PRRC2C: variants seen among roughly 807,000 people sequenced by gnomAD.
PRRC2C encodes proline rich coiled-coil 2C.
A neutral mutation model predicts 317.2 loss-of-function variants in PRRC2C; 72 were observed. The observed-to-expected ratio is 0.23, with a 90% CI of 0.19 to 0.28. The LOEUF is 0.28. Ranked by LOEUF, PRRC2C falls within the 10% of genes least tolerant of loss-of-function variation. PRRC2C has a pLI of 1.00. For missense variants in PRRC2C, 3,074 were observed against 3,459.7 expected (o/e 0.89, Z 2.80); for synonymous variants, 1,296 against 1,205.9 (o/e 1.07, Z -1.55).
intron 9 of PRRC2C, 93 bp from the exon 10 acceptor site, chr1:171,524,728 C>T (rs1674248672): frequency 7.8e-7 from 1 of 1,281,176 alleles, no homozygotes; most frequent in Non-Finnish European, 1.0e-6. Flanking sequence ...CCCCCAGAAA[C>T]CATACAGAAA....
At chr1:171,537,232 C>A in intron 14 of PRRC2C, 31 bp from the exon 15 acceptor site, 1 of 1,499,340 alleles carries the variant, frequency 6.7e-7, no homozygotes, top group East Asian at 2.4e-5. Flanking sequence ...TCAAAATCCT[C>A]ATTTCACCTT....
intron 18 of PRRC2C, among the ~76,000 whole-genome samples, chr1:171,555,975 A>G (rs1052975998): frequency 6.6e-6 from 1 of 152,166 alleles, no homozygotes; most frequent in African/African-American, 2.4e-5. Context: ...GGGACTTTTA[A>G]GTTTGCAGAA....
intron 23 of PRRC2C, among the ~76,000 whole-genome samples, chr1:171,569,669 T>C (rs1237249057): frequency 2.0e-5 from 3 of 146,918 alleles, no homozygotes; most frequent in African/African-American, 7.5e-5. Flanking sequence ...AGGAAAAGAC[T>C]TCCTTTCAGT....
intron 26 of PRRC2C, among the ~76,000 whole-genome samples, chr1:171,578,307 C>T (rs961319404): frequency 5.9e-5 from 9 of 151,948 alleles, no homozygotes; most frequent in Admixed American, 2.0e-4. Context: ...AATCCCAGCA[C>T]TTTGAGAGGC....
At chr1:171,561,291 T>C (rs1682657916) in intron 20 of PRRC2C, among the ~76,000 whole-genome samples, 188 bp downstream of exon 20, 1 of 152,078 alleles carries the variant, frequency 6.6e-6, no homozygotes. Flanking sequence ...TGTCTCTACA[T>C]ACAGAATAAA....
intron 12 of PRRC2C, among the ~76,000 whole-genome samples, chr1:171,533,813 G>A (rs538800487): frequency 1.4e-3 from 219 of 152,200 alleles, no homozygotes; most frequent in Non-Finnish European, 2.0e-3. Context: ...TAGTAGAGAC[G>A]GGGTTTCACT....
At chr1:171,504,976 A>G (rs1357780461) in intron 1 of PRRC2C, among the ~76,000 whole-genome samples, 2 of 151,826 alleles carry the variant, frequency 1.3e-5, no homozygotes, top group Admixed American at 6.6e-5. Context: ...TGTAGTGTTC[A>G]ATGTGTAGGT....
chr1:171,531,295 T>G (rs1475802297), intron 11 of PRRC2C, among the ~76,000 whole-genome samples: 1 of 152,232 alleles, frequency 6.6e-6, no homozygotes, highest in African/African-American at 2.4e-5. Flanking sequence ...ACTATACACT[T>G]AAAATATGTG....
At chr1:171,552,400 A>G (rs1680429858) in intron 18 of PRRC2C, among the ~76,000 whole-genome samples, 1 of 152,196 alleles carries the variant, frequency 6.6e-6, no homozygotes, top group South Asian at 2.1e-4. Flanking sequence ...CAGTCATGTC[A>G]TCTGCAAACA....
In PRRC2C at chr1:171,575,076, A is replaced by G. The variant is rs767363113; in HGVS notation, c.6903A>G (p.Ala2301=). 29 of 1,613,960 alleles carry G rather than the reference A, an allele frequency of 1.8e-5. No individual in the cohort carries two copies. The highest frequency in any genetic ancestry group is 2.5e-5 in the Non-Finnish European group (29 of 1,179,878). The change falls in exon 25 of 35, where the codon GCA becomes GCG. Residue 2301 remains alanine (A), a synonymous_variant. Transcript: ENST00000647382. Reference sequence around the variant, plus strand: ...CTAATTACAATTCGTTCTCAAGTGCATCCATGCCCCAGATTCCTGTTGCTT... The same window carrying G: ...CTAATTACAATTCGTTCTCAAGTGCGTCCATGCCCCAGATTCCTGTTGCTT... The part of the protein sequence containing the change: ...STANYNSFSS[A]SMPQIPVASV...
Position 171,591,795 on chromosome 1 carries a change from G to C in PRRC2C, c.8645G>C (p.Arg2882Thr). 1 of 1,580,900 alleles carries C rather than the reference G, an allele frequency of 6.3e-7. No homozygotes were observed. Among genetic ancestry groups the C allele is most frequent in the Non-Finnish European group, 8.6e-7 (1 of 1,160,126 alleles). ...PAPSIATKPV[R>T]TGPIKPQAIK... ...CCCTCCATAGCCACCAAACCTGTTA[G>C]AACTGGACCAATCAAACCTCAGGCG... is the stretch of plus-strand genomic sequence containing the variant. The change falls in exon 35 of 35, where the codon AGA (arginine) becomes ACA (threonine). Residue 2882 changes from arginine to threonine, a missense_variant. Arg to Thr is a moderately conservative substitution (Grantham distance 71). Transcript: ENST00000647382.
At chr1:171,564,548 G>C (rs1028264902) in intron 20 of PRRC2C, among the ~76,000 whole-genome samples, 4 of 152,166 alleles carry the variant, frequency 2.6e-5, no homozygotes, top group African/African-American at 9.7e-5. Flanking sequence ...ATGTGCATCA[G>C]TATTTTCCAA....
rs1651755405 is a variant in PRRC2C at position 171,593,238 on chromosome 1, A to AT, written c.*1393dup. ...TGCTATTGATGCATAACATACTGCT[A>AT]TTGGTCTTTTTATATAAATATATAT... On this transcript the variant is annotated 3_prime_UTR_variant, in exon 35 of 35. Transcript: ENST00000647382. The AT allele has an allele frequency of 1.3e-5, 2 of 148,236 alleles. No homozygotes were observed. The highest frequency in any genetic ancestry group is 6.7e-5 in the Admixed American group (1 of 14,858). The allele number at this position is 148,236 out of a possible 1,614,324, so 9.2% of individuals were successfully genotyped here.
chr1:171,576,390 A>G (rs1438812796), intron 25 of PRRC2C, among the ~76,000 whole-genome samples: 1 of 152,206 alleles, frequency 6.6e-6, no homozygotes, highest in African/African-American at 2.4e-5. Flanking sequence ...CTACTGGTAG[A>G]TGATTCACTA....
intron 3 of PRRC2C, 64 bp downstream of exon 3, chr1:171,513,236 G>A: frequency 1.4e-6 from 2 of 1,462,646 alleles, no homozygotes; most frequent in Non-Finnish European, 1.8e-6. Flanking sequence ...TTATGTTTGA[G>A]TACCTGCTAT....
In PRRC2C at chr1:171,577,523, T is replaced by C. The variant is rs1647292417; in HGVS notation, c.7045T>C (p.Leu2349=). ...PNICKVKPQQ[L]QTSSLPSASH... is the part of the protein sequence containing the mutation. ...TATTTGTAAAGTGAAACCTCAGCAG[T>C]TACAGACAAGCAGCCTGCCTTCTGC... The change falls in exon 26 of 35, where the codon TTA becomes CTA. Residue 2349 remains leucine, a synonymous_variant. Coordinates refer to ENST00000647382, the MANE Select transcript of PRRC2C (RefSeq NM_001387844.1). 3 of 1,613,100 alleles carry C rather than the reference T, an allele frequency of 1.9e-6. 1 individual carries two copies. In the Middle Eastern group the frequency reaches 5.0e-4, roughly 266 times the overall value.
intron 14 of PRRC2C, among the ~76,000 whole-genome samples, chr1:171,536,718 A>G (rs904692634): frequency 1.3e-5 from 2 of 152,232 alleles, no homozygotes; most frequent in African/African-American, 2.4e-5. Context: ...GGAATCCATC[A>G]GAATAAATCA....
intron 26 of PRRC2C, among the ~76,000 whole-genome samples, 151 bp downstream of exon 26, chr1:171,577,788 TTTTTTTTGAGATGGTGTCTGGCTC>T (rs1647397238): frequency 7.1e-6 from 1 of 140,398 alleles, no homozygotes; most frequent in African/African-American, 2.7e-5. Flanking sequence ...TTTTTTTTTT[TTTTTTTTGAGATGGTGTCTGGCTC>T]TGTTGCCCAG....
At chr1:171,546,380 ATAG>A (rs1430782731) in intron 17 of PRRC2C, among the ~76,000 whole-genome samples, 6 of 152,252 alleles carry the variant, frequency 3.9e-5, no homozygotes, top group African/African-American at 7.2e-5. Context: ...AGTGGTAATA[ATAG>A]TAGTAATAGG....
Sources: allele counts gnomAD v4.1 joint callset (sites outside exome capture counted in the v4.1 genomes callset), GRCh38; gene constraint gnomAD v4.1.1; transcripts MANE v1.5; gene names NCBI Gene and HGNC (gene_info 2026-07-23, HGNC 2026-07-21).